The following ANAPC5 variants were observed in gnomAD, a reference collection of about 807,000 sequenced individuals.
ANAPC5 encodes anaphase-promoting complex subunit 5.
Under a neutral mutation model 91.3 loss-of-function variants are expected in ANAPC5, and 60 were observed. That is an observed-to-expected ratio of 0.66 (90% confidence interval 0.53 to 0.81). ANAPC5 has a LOEUF of 0.81. Among genes scored for constraint, ANAPC5 ranks in the 40% least tolerant of loss-of-function variants. The probability of loss-of-function intolerance (pLI) is 0.00; values close to 1 mark genes in which losing one functional copy is unlikely to be tolerated. For missense variants in ANAPC5, 690 were observed against 931.5 expected, an observed-to-expected ratio of 0.74 and a Z score of 3.37; for synonymous variants, 340 against 364.1, an observed-to-expected ratio of 0.93 and a Z score of 0.75.
At chr12:121,339,889 T>G (rs1392367428) in intron 5 of ANAPC5, among the ~76,000 whole-genome samples, 1 of 148,558 alleles carries the variant, frequency 6.7e-6, no homozygotes, top group East Asian at 2.0e-4. Context: ...TTTTTTTTTT[T>G]TTCCCAGATG....
Position 121,331,168 on chromosome 12 carries a change from G to A in ANAPC5, c.1032+179C>T, listed in dbSNP as rs1346829817. The A allele has an allele frequency of 5.6e-6, 3 of 534,296 alleles. No individual in the cohort carries two copies. The African/African-American group carries it at 5.7e-5, about 10-fold the overall frequency. The allele number at this position is 534,296 out of a possible 1,614,324, so 33.1% of individuals were successfully genotyped here. A position where few individuals can be genotyped will look rare whatever the true frequency, so the allele number is the denominator to read the frequency against. ...ATGCCAAAAGCAAAACAGATGTCAT[G>A]AATTAAGAAAGGTAAGTAAAGATAA... On this transcript the variant is annotated intron_variant, in intron 8 of 16. Coordinates refer to ENST00000261819, the MANE Select transcript of ANAPC5 (RefSeq NM_016237.5).
intron 8 of ANAPC5, chr12:121,330,930 AG>A: frequency 2.2e-6 from 1 of 457,746 alleles, no homozygotes; most frequent in Non-Finnish European, 4.0e-6. Context: ...AAAAGCATGA[AG>A]CTCCCATATG....
intron 16 of ANAPC5, 48 bp from the exon 17 acceptor site, chr12:121,308,739 G>A (rs79486147): frequency 0.038 from 54,627 of 1,451,892 alleles, 1,316 homozygotes; most frequent in Non-Finnish European, 0.043. Context: ...AACCCTTCAC[G>A]TATAGTTTTC....
intron 5 of ANAPC5, among the ~76,000 whole-genome samples, chr12:121,339,054 C>CTTT (rs1259383557): frequency 1.6e-4 from 20 of 128,798 alleles, no homozygotes; most frequent in Admixed American, 2.4e-4. Flanking sequence ...ACTTTTTTTT[C>CTTT]TTTTTTTTTT....
At chr12:121,339,459 C>T (rs1555273846) in intron 5 of ANAPC5, among the ~76,000 whole-genome samples, 1 of 151,960 alleles carries the variant, frequency 6.6e-6, no homozygotes, top group Non-Finnish European at 1.5e-5. Context: ...TTGTTATTTG[C>T]CTTTTAATTT....
chr12:121,334,618 G>A (rs908455467), intron 7 of ANAPC5: 11 of 152,020 alleles, frequency 7.2e-5, no homozygotes, highest in South Asian at 2.1e-4. Context: ...ATAATTGATC[G>A]ATTTTCCTAT....
intron 6 of ANAPC5, 141 bp downstream of exon 6, chr12:121,337,150 G>A (rs1168973518): frequency 2.6e-5 from 15 of 584,486 alleles, no homozygotes; most frequent in Admixed American, 5.1e-5. Context: ...CCAGGGAGTC[G>A]GAGGTTGCAG....
intron 1 of ANAPC5, among the ~76,000 whole-genome samples, chr12:121,348,202 G>A (rs1903744481): frequency 6.6e-6 from 1 of 152,146 alleles, no homozygotes. Context: ...GTAAAATGGA[G>A]ATAATAATAT....
intron 13 of ANAPC5, among the ~76,000 whole-genome samples, chr12:121,319,168 T>C (rs568230888): frequency 1.3e-4 from 20 of 152,148 alleles, no homozygotes; most frequent in Admixed American, 1.0e-3. Flanking sequence ...TCTGGAATTA[T>C]AGATAACAGC....
intron 5 of ANAPC5, among the ~76,000 whole-genome samples, chr12:121,340,559 C>T (rs1363033847): frequency 4.9e-5 from 7 of 144,190 alleles, no homozygotes; most frequent in African/African-American, 1.3e-4. Context: ...TTTTTTGAGA[C>T]GGAGTCTCAC....
intron 15 of ANAPC5, among the ~76,000 whole-genome samples, chr12:121,312,342 T>C (rs1593571873): frequency 6.6e-6 from 1 of 152,006 alleles, no homozygotes; most frequent in Admixed American, 6.6e-5. Context: ...GGCGGGTGGA[T>C]CACCTGAGGG....
chr12:121,348,669 A>T (rs1169962), intron 1 of ANAPC5, among the ~76,000 whole-genome samples: 98,747 of 149,266 alleles, frequency 0.66, 37,458 homozygotes, highest in Non-Finnish European at 0.84. Context: ...CGTCTCCAAT[A>T]AAAAAAAAAG....
At chr12:121,314,805 A>G (rs1593574235) in intron 15 of ANAPC5, among the ~76,000 whole-genome samples, 1 of 152,086 alleles carries the variant, frequency 6.6e-6, no homozygotes, top group East Asian at 1.9e-4. Flanking sequence ...TAATTTTTCT[A>G]TTTTTAGTAG....
rs782180743 is a variant in ANAPC5, at chr12:121,335,558, C to T, written c.925G>A (p.Ala309Thr). Residue 309 changes from alanine (A) to threonine (T), a missense_variant, in exon 7 of 17, where the codon GCC (alanine) becomes ACC (threonine). By Grantham distance (58) the Ala-to-Thr change is moderately conservative. This residue lies in a region of ANAPC5 where 83 missense variants were observed against 150.8 expected (regional missense o/e 0.55). Coordinates refer to ENST00000261819, the MANE Select transcript of ANAPC5 (RefSeq NM_016237.5). ...SLRYAALNLAALHCRFGHYQQ... is the reference protein window; with the variant it reads ...SLRYAALNLATLHCRFGHYQQ... ...TAGTGACCGAAGCGGCAGTGCAGGGCGGCAAGATTCAGAGCGGCGTATCTC... is the reference window on the plus strand; with the variant it reads ...TAGTGACCGAAGCGGCAGTGCAGGGTGGCAAGATTCAGAGCGGCGTATCTC... 4 of 1,611,410 alleles carry T rather than the reference C, an allele frequency of 2.5e-6. No homozygotes were observed. Among genetic ancestry groups the T allele is most frequent in the South Asian group, 1.1e-5 (1 of 91,004 alleles).
intron 1 of ANAPC5, among the ~76,000 whole-genome samples, chr12:121,351,609 C>T (rs536681068): frequency 2.0e-5 from 3 of 151,826 alleles, no homozygotes; most frequent in African/African-American, 7.3e-5. Context: ...AGGTGCCCGC[C>T]ACCACGTCCA....
intron 15 of ANAPC5, among the ~76,000 whole-genome samples, chr12:121,314,604 G>A (rs1485624215): frequency 1.3e-5 from 2 of 151,100 alleles, no homozygotes; most frequent in Non-Finnish European, 2.9e-5. Flanking sequence ...CCCCCTACAG[G>A]AACAAAATAA....
At chr12:121,317,856 A>C in intron 15 of ANAPC5, 3 of 152,304 alleles carry the variant, frequency 2.0e-5, no homozygotes, top group Non-Finnish European at 1.5e-5. Flanking sequence ...TGAAGAGTCA[A>C]TTCCTTCATG....
At chr12:121,327,296 C>T in intron 10 of ANAPC5, 65 bp from the exon 11 acceptor site, 1 of 1,586,404 alleles carries the variant, frequency 6.3e-7, no homozygotes, top group Admixed American at 1.8e-5. Flanking sequence ...TGGCCATGCC[C>T]GTCAGCTATC....
chr12:121,327,228 G>T lies in ANAPC5; in HGVS notation c.1308C>A (p.Thr436=). ...ACATCTGGGCCTGTTGCAGTGCCATGGTGCTGGGTGGGGAGAGGGAACAGG... is the reference window on the plus strand; with the variant it reads ...ACATCTGGGCCTGTTGCAGTGCCATTGTGCTGGGTGGGGAGAGGGAACAGG... ...TAIWRLYGRS[T]MALQQAQMLL... Residue 436 remains threonine (T), a synonymous_variant, in exon 11 of 17, where the codon ACC becomes ACA. Transcript: ENST00000261819. 1 of 1,612,442 alleles carries T rather than the reference G, an allele frequency of 6.2e-7. No homozygotes were observed.
Sources: gnomAD v4.1 joint callset for allele counts (sites outside exome capture counted in the v4.1 genomes callset) on GRCh38, gnomAD v4.1.1 for gene constraint, gnomAD v4.1.1 regional missense constraint, MANE v1.5 for transcripts, NCBI Gene and HGNC (gene_info 2026-07-23, HGNC 2026-07-21) for gene names.